The following DTNA variants were observed in gnomAD, a reference collection of about 807,000 sequenced individuals.
The protein encoded by DTNA is dystrobrevin alpha, also known as dystrophin-related protein 3.
Under a neutral mutation model 100.7 loss-of-function variants are expected in DTNA, and 43 were observed. The observed-to-expected ratio is 0.43, with a 90% CI of 0.33 to 0.55. The LOEUF (loss-of-function observed/expected upper bound fraction) is 0.55. Ranked by LOEUF, DTNA falls within the 20% of genes least tolerant of loss-of-function variation. The pLI is 0.04. For synonymous variants in DTNA, 349 were observed against 347.9 expected, an observed-to-expected ratio of 1.00 and a Z score of -0.04; for missense variants, 798 against 953.9, an observed-to-expected ratio of 0.84 and a Z score of 2.15.
intron 11 of DTNA, among the ~76,000 whole-genome samples, chr18:34,830,138 G>T (rs546025326): frequency 6.6e-5 from 10 of 152,174 alleles, no homozygotes; most frequent in Non-Finnish European, 1.5e-4. Context: ...AAAAGTTAAA[G>T]GTTCTATACT....
chr18:34,617,831 C>T (rs1466244254), intron 1 of DTNA, among the ~76,000 whole-genome samples: 1 of 152,106 alleles, frequency 6.6e-6, no homozygotes, highest in Non-Finnish European at 1.5e-5. Context: ...GTAAACATAA[C>T]TTTTGTGTGC....
intron 18 of DTNA, among the ~76,000 whole-genome samples, chr18:34,875,831 C>G (rs1408391199): frequency 6.6e-6 from 1 of 152,106 alleles, no homozygotes; most frequent in Non-Finnish European, 1.5e-5. Context: ...TTGACAGATT[C>G]CCTGTTCTGA....
chr18:34,827,239 G>A (rs2095878979), intron 9 of DTNA, among the ~76,000 whole-genome samples: 1 of 151,834 alleles, frequency 6.6e-6, no homozygotes, highest in Admixed American at 6.6e-5. Flanking sequence ...CAATGATCAG[G>A]TCTTCAAGGC....
At chr18:34,662,275 G>A (rs749553339) in intron 1 of DTNA, among the ~76,000 whole-genome samples, 66 of 151,964 alleles carry the variant, frequency 4.3e-4, no homozygotes, top group Non-Finnish European at 6.5e-4. Context: ...AAATATGCAG[G>A]CACAATGTGA....
chr18:34,493,690 C>G (rs544647419), intron 1 of DTNA, among the ~76,000 whole-genome samples: 411 of 149,044 alleles, frequency 2.8e-3, no homozygotes, highest in Non-Finnish European at 4.9e-3. Flanking sequence ...CGCGCAGCCC[C>G]GGCTGCGCAG....
At chr18:34,781,150 G>T (rs1456169390) in intron 3 of DTNA, among the ~76,000 whole-genome samples, 1 of 152,114 alleles carries the variant, frequency 6.6e-6, no homozygotes, top group African/African-American at 2.4e-5. Context: ...AGGGCCAAGA[G>T]GATTTCCAAA....
At chr18:34,887,432 C>T (rs1353546264) in intron 22 of DTNA, among the ~76,000 whole-genome samples, 1 of 152,162 alleles carries the variant, frequency 6.6e-6, no homozygotes, top group Non-Finnish European at 1.5e-5. Context: ...ACGTGGCAGC[C>T]TAATCATGGG....
intron 1 of DTNA, among the ~76,000 whole-genome samples, chr18:34,550,026 G>A (rs2045233112): frequency 6.6e-6 from 1 of 152,008 alleles, no homozygotes; most frequent in South Asian, 2.1e-4. Context: ...AGAAATGTTT[G>A]AAATCATACT....
chr18:34,855,684 G>T (rs919077588), intron 15 of DTNA, among the ~76,000 whole-genome samples: 3 of 152,200 alleles, frequency 2.0e-5, no homozygotes, highest in Non-Finnish European at 4.4e-5. Flanking sequence ...TCAAAAGGAG[G>T]TCAACCCTGA....
intron 1 of DTNA, among the ~76,000 whole-genome samples, chr18:34,652,198 G>A (rs2060536515): frequency 6.6e-6 from 1 of 152,000 alleles, no homozygotes; most frequent in Admixed American, 6.6e-5. Context: ...GCCAGACAGA[G>A]GGCGGGGGAG....
intron 3 of DTNA, among the ~76,000 whole-genome samples, chr18:34,769,725 CTT>C (rs61242937): frequency 7.4e-5 from 4 of 53,870 alleles, no homozygotes; most frequent in Non-Finnish European, 1.2e-4. Flanking sequence ...CCCTCTGGGG[CTT>C]TTTTTTTTTT....
intron 1 of DTNA, among the ~76,000 whole-genome samples, chr18:34,732,440 A>G (rs1167737404): frequency 6.6e-6 from 1 of 152,234 alleles, no homozygotes. Flanking sequence ...TTCCTCTGCG[A>G]TCCTCCTTTA....
chr18:34,836,517 G>A (rs548388680), intron 11 of DTNA, among the ~76,000 whole-genome samples: 38 of 151,894 alleles, frequency 2.5e-4, no homozygotes, highest in African/African-American at 8.7e-4. Flanking sequence ...GTGTGGTGGC[G>A]CATGCCTGTA....
intron 1 of DTNA, among the ~76,000 whole-genome samples, chr18:34,538,451 G>A (rs2043931905): frequency 6.6e-6 from 1 of 152,032 alleles, no homozygotes; most frequent in Non-Finnish European, 1.5e-5. Flanking sequence ...CTTTTACCTA[G>A]TGAGTCCTTA....
At chr18:34,639,984 G>A (rs897367329) in intron 1 of DTNA, among the ~76,000 whole-genome samples, 1 of 152,102 alleles carries the variant, frequency 6.6e-6, no homozygotes, top group South Asian at 2.1e-4. Flanking sequence ...GATTATTTTC[G>A]CCTAGCCCAG....
At chr18:34,588,436 C>T (rs1188387712) in intron 1 of DTNA, among the ~76,000 whole-genome samples, 4 of 152,138 alleles carry the variant, frequency 2.6e-5, no homozygotes, top group Admixed American at 1.3e-4. Context: ...GCTCTTCTCT[C>T]GTTCTCACCA....
At chr18:34,579,273 A>G (rs940441514) in intron 1 of DTNA, among the ~76,000 whole-genome samples, 1 of 152,174 alleles carries the variant, frequency 6.6e-6, no homozygotes, top group Admixed American at 6.5e-5. Context: ...AACAGTCACA[A>G]GTTTTTAAAA....
At chr18:34,514,956 C>A (rs1339822858) in intron 1 of DTNA, among the ~76,000 whole-genome samples, 2 of 151,836 alleles carry the variant, frequency 1.3e-5, no homozygotes, top group African/African-American at 4.8e-5. Context: ...TGAAACTCAC[C>A]CTGTGCTGGC....
intron 1 of DTNA, among the ~76,000 whole-genome samples, chr18:34,512,744 A>G (rs527568019): frequency 5.9e-5 from 9 of 152,152 alleles, no homozygotes; most frequent in Non-Finnish European, 1.0e-4. Flanking sequence ...AAAACATGGT[A>G]TATCCTTGCA....
Sources: gnomAD v4.1 joint callset for allele counts (sites outside exome capture counted in the v4.1 genomes callset) on GRCh38, gnomAD v4.1.1 for gene constraint, MANE v1.5 for transcripts, NCBI Gene and HGNC (gene_info 2026-07-23, HGNC 2026-07-21) for gene names.